Variants in PRPF3 observed in about 807,000 individuals in gnomAD.
PRPF3 encodes pre-mRNA processing factor 3.
In PRPF3, 3 loss-of-function variants were observed where a neutral mutation model predicts 89.2. The ratio of observed to expected loss-of-function variants is 0.03; its 90% CI spans 0.02 to 0.09. PRPF3 has a LOEUF of 0.09. Ranked by LOEUF, PRPF3 falls within the 10% of genes least tolerant of loss-of-function variation. The pLI is 1.00. For synonymous variants in PRPF3, 270 were observed against 289.1 expected (o/e 0.93, Z 0.67); for missense variants, 463 against 828.8 (o/e 0.56, Z 5.42).
At position 150,352,897 on chromosome 1, in the gene PRPF3, C is replaced by T; in HGVS notation, c.1970C>T (p.Ala657Val). Reference protein sequence around the residue: ...KFKQCPTENMAREHFKKHGAE... With the variant: ...KFKQCPTENMVREHFKKHGAE... ...AAACAGTGTCCTACAGAGAACATGGCTCGTGAGCATTTCAAAAAGCATGGG... is the reference window on the plus strand; with the variant it reads ...AAACAGTGTCCTACAGAGAACATGGTTCGTGAGCATTTCAAAAAGCATGGG... Residue 657 changes from alanine to valine, a missense_variant, in exon 16 of 16, where the codon GCT becomes GTT. This residue lies in a region of PRPF3 where 78 missense variants were observed against 96.6 expected (regional missense o/e 0.81). Transcript: ENST00000324862. The T allele has an allele frequency of 2.5e-6, 4 of 1,614,138 alleles. No individual in the cohort carries two copies. Among genetic ancestry groups the T allele is most frequent in the Non-Finnish European group, 3.4e-6 (4 of 1,180,018 alleles).
intron 14 of PRPF3, among the ~76,000 whole-genome samples, chr1:150,348,460 A>ATTGTTTTTTTTTTTTTTTTTTTT (rs1658530596): frequency 2.1e-5 from 1 of 48,464 alleles, no homozygotes; most frequent in Non-Finnish European, 3.5e-5. Context: ...CTACACGTGC[A>ATTGTTTTTTTTTTTTTTTTTTTT]TTTTTTTTTT....
At chr1:150,350,441 G>A (rs1658808520) in intron 15 of PRPF3, among the ~76,000 whole-genome samples, 1 of 151,744 alleles carries the variant, frequency 6.6e-6, no homozygotes, top group East Asian at 1.9e-4. Context: ...CCTGAGGTCC[G>A]ACTGCCTTGG....
chr1:150,328,111 G>C, intron 3 of PRPF3: 1 of 573,956 alleles, frequency 1.7e-6, no homozygotes, highest in South Asian at 2.0e-5. Context: ...AAGAACATGG[G>C]AATGAAATTT....
In PRPF3 at chr1:150,346,036, C is replaced by A. The variant is rs782053928; in HGVS notation, c.1659C>A (p.Asn553Lys). The change falls in exon 13 of 16, where the codon AAC becomes AAA. Residue 553 changes from asparagine to lysine, a missense_variant. Asn to Lys is a moderately conservative substitution (Grantham distance 94). Transcript: ENST00000324862. ...TCTCCAGAGTTCGAAATTTGAGCAA[C>A]CCAGCCAAGAAGTTCAAGATTGAAG... Reference protein sequence around the residue: ...ISVYRVRNLSNPAKKFKIEAN... With the variant: ...ISVYRVRNLSKPAKKFKIEAN... The A allele has an allele frequency of 6.2e-7, 1 of 1,614,108 alleles. No individual in the cohort carries two copies. Among genetic ancestry groups the A allele is most frequent in the Non-Finnish European group, 8.5e-7 (1 of 1,180,020 alleles).
chr1:150,349,684 T>G (rs2102027273), intron 15 of PRPF3, among the ~76,000 whole-genome samples: 1 of 152,298 alleles, frequency 6.6e-6, no homozygotes, highest in Admixed American at 6.5e-5. Context: ...GTTCTCTATA[T>G]TGTCAAGTTT....
Position 150,344,421 on chromosome 1 carries a change from C to T in PRPF3, c.1527-13C>T. On this transcript the variant is annotated splice_polypyrimidine_tract_variant and intron_variant, in intron 11 of 15. Transcript: ENST00000324862. The stretch of plus-strand genomic sequence containing the variant: ...GCCTTTCTCACTTGTGGATGTCCTT[C>T]CTGTCACGACAGAGCGCATGAAGAG... The T allele has an allele frequency of 1.2e-6, 2 of 1,614,150 alleles. No homozygotes were observed. The highest frequency in any genetic ancestry group is 1.7e-6 in the Non-Finnish European group (2 of 1,180,020).
intron 8 of PRPF3, among the ~76,000 whole-genome samples, chr1:150,338,776 A>G (rs1391681795): frequency 6.6e-6 from 1 of 152,068 alleles, no homozygotes; most frequent in Non-Finnish European, 1.5e-5. Context: ...TAGCCTCCCA[A>G]AGTGCTGGGA....
chr1:150,338,445 A>T, intron 8 of PRPF3, 119 bp downstream of exon 8: 1 of 1,031,280 alleles, frequency 9.7e-7, no homozygotes, highest in East Asian at 2.6e-5. Flanking sequence ...CTCATTCATT[A>T]ATTAAAATTT....
chr1:150,331,265 C>T (rs897120026), intron 4 of PRPF3, among the ~76,000 whole-genome samples: 2 of 152,144 alleles, frequency 1.3e-5, no homozygotes, highest in Admixed American at 1.3e-4. Flanking sequence ...TCTCGATCTC[C>T]TGACCTCGTG....
chr1:150,348,010 A>G (rs1658466121), intron 14 of PRPF3, among the ~76,000 whole-genome samples: 1 of 152,216 alleles, frequency 6.6e-6, no homozygotes, highest in South Asian at 2.1e-4. Flanking sequence ...CTATATTTGA[A>G]GGCCAGACAT....
At chr1:150,351,160 G>T (rs1572293661) in intron 15 of PRPF3, among the ~76,000 whole-genome samples, 1 of 152,170 alleles carries the variant, frequency 6.6e-6, no homozygotes, top group East Asian at 1.9e-4. Flanking sequence ...AGCTACTTGG[G>T]AGGCTGAGGC....
chr1:150,328,543 T>A, intron 4 of PRPF3, 77 bp downstream of exon 4: 9 of 1,145,776 alleles, frequency 7.9e-6, no homozygotes, highest in Non-Finnish European at 1.2e-6. Flanking sequence ...GTATTTATTG[T>A]GGAATTTTTT....
At position 150,349,140 on chromosome 1, in the gene PRPF3, C is replaced by A. The variant is rs1553873772; in HGVS notation, c.1844-17C>A. 1 of 1,608,354 alleles carries A rather than the reference C, an allele frequency of 6.2e-7. No homozygotes were observed. The highest frequency in any genetic ancestry group is 8.5e-7 in the Non-Finnish European group (1 of 1,174,912). ...CTGAATCTCAAGTCTAAGTCTGTAA[C>A]AAGATTTCTCTTCCAGATGATGAGG... On this transcript the variant is annotated splice_polypyrimidine_tract_variant and intron_variant, in intron 14 of 15. Transcript: ENST00000324862.
chr1:150,351,180 G>A (rs1553874274), intron 15 of PRPF3, among the ~76,000 whole-genome samples: 1 of 151,984 alleles, frequency 6.6e-6, no homozygotes, highest in African/African-American at 2.4e-5. Context: ...CAGGAGAATC[G>A]CTTGAATCTG....
chr1:150,323,396 AACTTT>A (rs1553862775), intron 1 of PRPF3, among the ~76,000 whole-genome samples: 1 of 151,770 alleles, frequency 6.6e-6, no homozygotes, highest in African/African-American at 2.4e-5. Context: ...GTAATCCCAG[AACTTT>A]CGGAGGTCAA....
intron 15 of PRPF3, 119 bp from the exon 16 acceptor site, chr1:150,352,714 C>T: frequency 8.8e-7 from 1 of 1,136,102 alleles, no homozygotes; most frequent in Admixed American, 2.2e-5. Context: ...TTTTTTTAAC[C>T]ATAAAATCAC....
intron 7 of PRPF3, among the ~76,000 whole-genome samples, 195 bp from the exon 8 acceptor site, chr1:150,337,965 T>G (rs1553868642): frequency 6.6e-6 from 1 of 151,448 alleles, no homozygotes; most frequent in East Asian, 1.9e-4. Flanking sequence ...TCCCAGCTAC[T>G]GAGGAGGCTT....
At position 150,332,621 on chromosome 1, in the gene PRPF3, A is replaced by T; in HGVS notation, c.424-63A>T. The stretch of plus-strand genomic sequence containing the variant: ...ACCTGAGAGCCTTGTGGGTTTAAAA[A>T]CCTGAATGGGAGAAGTAAGAAGGAG... On this transcript the variant is annotated intron_variant, in intron 4 of 15. Coordinates refer to ENST00000324862, the MANE Select transcript of PRPF3 (RefSeq NM_004698.4). 2.6e-6 allele frequency: 4 copies of T among 1,536,660 alleles called. No homozygotes were observed. The South Asian group carries it at 4.5e-5, about 17-fold the overall frequency.
chr1:150,349,428 T>C (rs1658662334), intron 15 of PRPF3, among the ~76,000 whole-genome samples: 1 of 152,192 alleles, frequency 6.6e-6, no homozygotes, highest in African/African-American at 2.4e-5. Context: ...GTATATGCTA[T>C]CTGGGGAAGT....
Sources: allele counts gnomAD v4.1 joint callset (sites outside exome capture counted in the v4.1 genomes callset), GRCh38; gene constraint gnomAD v4.1.1; regional missense constraint gnomAD v4.1.1; transcripts MANE v1.5; gene names NCBI Gene and HGNC (gene_info 2026-07-23, HGNC 2026-07-21).